TENM2: variants seen among roughly 807,000 people sequenced by gnomAD.
TENM2 encodes teneurin-2.
In TENM2, 52 loss-of-function variants were observed where a neutral mutation model predicts 245.2. The ratio of observed to expected loss-of-function variants is 0.21; its 90% CI spans 0.17 to 0.27. The LOEUF is 0.27. Among genes scored for constraint, TENM2 ranks in the 10% least tolerant of loss-of-function variants. The pLI, the probability that TENM2 is intolerant of heterozygous loss-of-function variation, is 1.00. For synonymous variants in TENM2, 1,363 were observed against 1,438.9 expected (o/e 0.95, Z 1.19); for missense variants, 3,046 against 3,666.8 (o/e 0.83, Z 4.37).
chr5:168,218,359 A>G lies in TENM2; in HGVS notation c.4468A>G (p.Ile1490Val), dbSNP rs767505409. ...CATTTCTCACACTGGGGTCCTCTAC[A>G]TCACTGAGACAGATGAGAAGAAGAT... Residue 1490 changes from isoleucine to valine, a missense_variant, in exon 23 of 29, where the codon ATC (isoleucine) becomes GTC (valine). Physicochemically the swap from Ile to Val is conservative, Grantham distance 29. Transcript: ENST00000518659. The surrounding 1 kb of genome is among the most constrained non-coding windows in gnomAD (Gnocchi z 5.2). 1.9e-6 allele frequency: 3 copies of G among 1,614,046 alleles called. No homozygotes were observed. The highest frequency in any genetic ancestry group is 2.2e-5 in the East Asian group (1 of 44,886).
intron 2 of TENM2, among the ~76,000 whole-genome samples, chr5:167,655,420 GA>G (rs1310759383): frequency 3.9e-5 from 6 of 152,152 alleles, no homozygotes; most frequent in Admixed American, 1.3e-4. Context: ...CTTGACCAAG[GA>G]AAAGCAGGCC....
intron 1 of TENM2, among the ~76,000 whole-genome samples, chr5:167,336,200 T>TC (rs1434933430): frequency 3.6e-4 from 53 of 147,834 alleles, no homozygotes; most frequent in Non-Finnish European, 6.6e-4. Flanking sequence ...TTTTTTTTTT[T>TC]CCGGTCAGGG....
intron 2 of TENM2, among the ~76,000 whole-genome samples, chr5:167,622,733 C>T (rs994278898): frequency 5.3e-5 from 8 of 152,062 alleles, no homozygotes; most frequent in African/African-American, 1.2e-4. Context: ...ATGACAAACA[C>T]GCAGCCAGAA....
At chr5:168,047,490 G>C (rs1209306864) in exon 6 of TENM2, 2 of 1,551,704 alleles carry the variant, frequency 1.3e-6, no homozygotes, top group South Asian at 1.2e-5. Context: ...TTTAACAATG[G>C]GATAAGGACC....
At chr5:167,153,098 T>TACACACACACAC in the TENM2 span, among the ~76,000 whole-genome samples, 2 of 147,354 alleles carry the variant, frequency 1.4e-5, no homozygotes, top group African/African-American at 5.0e-5. Context: ...AATGAATACA[T>TACACACACACAC]ACACACACAC....
intron 4 of TENM2, among the ~76,000 whole-genome samples, chr5:167,961,604 T>C (rs1781018046): frequency 6.6e-6 from 1 of 152,208 alleles, no homozygotes; most frequent in African/African-American, 2.4e-5. Flanking sequence ...CAATCAGTTG[T>C]TATTGTTTAG....
intron 1 of TENM2, among the ~76,000 whole-genome samples, chr5:167,332,200 C>T (rs963652093): frequency 6.2e-4 from 95 of 152,298 alleles, no homozygotes; most frequent in African/African-American, 2.2e-3. Context: ...AGTGTTGGGG[C>T]ATTCACTTTC....
chr5:167,673,759 A>AT (rs35400041), intron 2 of TENM2, among the ~76,000 whole-genome samples: 9,572 of 147,888 alleles, frequency 0.065, 480 homozygotes, highest in African/African-American at 0.14. Flanking sequence ...CCAATACCTT[A>AT]TTTTTTTTTT....
intron 1 of TENM2, among the ~76,000 whole-genome samples, chr5:167,317,737 G>T (rs1439485821): frequency 6.6e-6 from 1 of 152,146 alleles, no homozygotes; most frequent in Non-Finnish European, 1.5e-5. Context: ...CCATTTCTGT[G>T]TCGGTTTCCT....
intron 1 of TENM2, among the ~76,000 whole-genome samples, chr5:167,314,816 C>T (rs1756258450): frequency 6.6e-6 from 1 of 151,830 alleles, no homozygotes; most frequent in African/African-American, 2.4e-5. Flanking sequence ...TACCTGTCAC[C>T]CATTTCTAAC....
chr5:167,779,916 C>T (rs761829867), intron 2 of TENM2, among the ~76,000 whole-genome samples: 14 of 152,172 alleles, frequency 9.2e-5, no homozygotes, highest in Non-Finnish European at 1.6e-4. Flanking sequence ...CATTTGGCCA[C>T]GAACAGTGTT....
intron 2 of TENM2, among the ~76,000 whole-genome samples, chr5:167,655,936 G>T (rs10072830): frequency 0.15 from 23,494 of 152,102 alleles, 4,340 homozygotes; most frequent in African/African-American, 0.41. Flanking sequence ...GAACACTTAG[G>T]TTAACATCCT....
intron 2 of TENM2, among the ~76,000 whole-genome samples, chr5:167,523,556 T>A (rs538179357): frequency 1.8e-4 from 27 of 152,222 alleles, no homozygotes; most frequent in African/African-American, 6.3e-4. Flanking sequence ...GTAAAATCCC[T>A]TGATATTTGG....
chr5:167,383,252 A>G (rs1761199197), intron 2 of TENM2, among the ~76,000 whole-genome samples: 1 of 152,158 alleles, frequency 6.6e-6, no homozygotes, highest in Non-Finnish European at 1.5e-5. Context: ...TGAGCAATGT[A>G]GACATTTTGT....
intron 19 of TENM2, among the ~76,000 whole-genome samples, chr5:168,207,880 A>T (rs1762489262): frequency 6.6e-6 from 1 of 152,138 alleles, no homozygotes; most frequent in Non-Finnish European, 1.5e-5. Context: ...CACTTAAATA[A>T]CTTCTGATGC....
intron 2 of TENM2, among the ~76,000 whole-genome samples, chr5:167,702,578 A>G (rs1489772454): frequency 2.7e-5 from 4 of 148,008 alleles, no homozygotes; most frequent in South Asian, 2.1e-4. Flanking sequence ...ATATACATAT[A>G]TATATATATT....
chr5:167,485,702 A>C (rs895307406), intron 2 of TENM2, among the ~76,000 whole-genome samples: 1 of 152,098 alleles, frequency 6.6e-6, no homozygotes, highest in Non-Finnish European at 1.5e-5. Context: ...TGCCACTATG[A>C]CGCCAAATGC....
At chr5:167,092,271 C>T in the TENM2 span, among the ~76,000 whole-genome samples, 6 of 152,102 alleles carry the variant, frequency 3.9e-5, no homozygotes, top group African/African-American at 9.6e-5. Context: ...ACAGCCCACC[C>T]GTTGCTTTAC....
At chr5:167,043,654 T>C in the TENM2 span, among the ~76,000 whole-genome samples, 6 of 152,176 alleles carry the variant, frequency 3.9e-5, no homozygotes, top group Non-Finnish European at 8.8e-5. Flanking sequence ...CTAAAGATAT[T>C]GGCAGTGGGA....
Sources: gnomAD v4.1 joint callset for allele counts (sites outside exome capture counted in the v4.1 genomes callset) on GRCh38, gnomAD v4.1.1 for gene constraint, Gnocchi (gnomAD v3.1) non-coding constraint, MANE v1.5 for transcripts, NCBI Gene and HGNC (gene_info 2026-07-23, HGNC 2026-07-21) for gene names.